Variants in ALKBH3 observed in about 807,000 individuals in gnomAD.
ALKBH3 encodes alpha-ketoglutarate-dependent dioxygenase alkB homolog 3.
ALKBH3 carries 51 observed loss-of-function variants against 43.9 expected under a neutral mutation model. The ratio of observed to expected loss-of-function variants is 1.16; its 90% CI spans 0.93 to 1.47. The LOEUF (loss-of-function observed/expected upper bound fraction) is 1.47. Ranked by LOEUF, ALKBH3 falls within the 40% of genes most tolerant of loss-of-function variation. ALKBH3 has a pLI of 0.00. For missense variants in ALKBH3, 361 were observed against 351.9 expected (o/e 1.03, Z -0.21); for synonymous variants, 102 against 115.2 (o/e 0.89, Z 0.73).
At chr11:43,917,662 G>A (rs1446572930) in intron 8 of ALKBH3, among the ~76,000 whole-genome samples, 1 of 151,904 alleles carries the variant, frequency 6.6e-6, no homozygotes, top group East Asian at 1.9e-4. Flanking sequence ...TTTTAAATCA[G>A]AGCAGCGTTT....
At chr11:43,890,727 G>A (rs1951778045) in intron 6 of ALKBH3, among the ~76,000 whole-genome samples, 1 of 152,102 alleles carries the variant, frequency 6.6e-6, no homozygotes, top group Non-Finnish European at 1.5e-5. Flanking sequence ...AGCCAGGCAT[G>A]GTGGTGCGCA....
In ALKBH3 at chr11:43,901,644, C is replaced by G. The variant is rs747645982; in HGVS notation, c.588C>G (p.Pro196=). ...DSVDWHSDDE[P]SLGRCPIIAS... ...TGGACTGGCACAGTGATGATGAACC[C>G]TCACTAGGGAGGTGCCCCATTATTG... is the stretch of plus-strand genomic sequence containing the variant. Residue 196 remains proline, a synonymous_variant, in exon 8 of 10, where the codon CCC becomes CCG. Transcript: ENST00000302708. 2 of 1,614,236 alleles carry G rather than the reference C, an allele frequency of 1.2e-6. No homozygotes were observed. Among genetic ancestry groups the G allele is most frequent in the South Asian group, 2.2e-5 (2 of 91,090 alleles).
intron 8 of ALKBH3, among the ~76,000 whole-genome samples, chr11:43,905,886 C>T (rs1396569553): frequency 6.6e-6 from 1 of 152,160 alleles, no homozygotes; most frequent in East Asian, 1.9e-4. Flanking sequence ...AAAGGAACTA[C>T]AAAAGCCATT....
chr11:43,895,222 G>C (rs1166880858), intron 7 of ALKBH3, among the ~76,000 whole-genome samples: 1 of 152,138 alleles, frequency 6.6e-6, no homozygotes, highest in Non-Finnish European at 1.5e-5. Context: ...GATATGGTTT[G>C]GCTGTGTCCC....
intron 8 of ALKBH3, among the ~76,000 whole-genome samples, chr11:43,912,900 G>A (rs796899849): frequency 6.6e-6 from 1 of 152,202 alleles, no homozygotes; most frequent in African/African-American, 2.4e-5. Context: ...GCCTCTCCCA[G>A]CTCTACACAA....
chr11:43,910,511 A>AC (rs1951930238), intron 8 of ALKBH3: 1 of 152,118 alleles, frequency 6.6e-6, no homozygotes, highest in African/African-American at 2.4e-5. Context: ...TGTGGCTTCC[A>AC]CCCTGTAATG....
chr11:43,910,221 A>G (rs904978273), intron 8 of ALKBH3: 5 of 152,190 alleles, frequency 3.3e-5, no homozygotes, highest in Admixed American at 3.3e-4. Context: ...ATTGTTCTCT[A>G]CATTATTTTT....
chr11:43,889,767 C>A lies in ALKBH3; in HGVS notation c.309C>A (p.Asp103Glu). Residue 103 changes from aspartate to glutamate, a missense_variant, in exon 6 of 10, where the codon GAC (aspartate) becomes GAA (glutamate). By Grantham distance (45) the Asp-to-Glu change is conservative. Transcript: ENST00000302708. ...YPGFVDVKEA[D>E]WILEQLCQDV... ...GCTTTGTTGACGTGAAAGAAGCTGA[C>A]TGGATATTGGAACAGCTTTGTCAAG... 6.2e-7 allele frequency: 1 copy of A among 1,614,082 alleles called. No homozygotes were observed.
chr11:43,910,373 T>C (rs1397863743), intron 8 of ALKBH3: 2 of 152,242 alleles, frequency 1.3e-5, no homozygotes, highest in Non-Finnish European at 1.5e-5. Flanking sequence ...TTAGTTCTTA[T>C]AGCTTTAACC....
rs765760670 is a variant in ALKBH3 at position 43,892,032 on chromosome 11, C to G, written c.371-9C>G. On this transcript the variant is annotated splice_polypyrimidine_tract_variant and intron_variant, in intron 6 of 9. Coordinates refer to ENST00000302708, the MANE Select transcript of ALKBH3 (RefSeq NM_139178.4). ...AAACCATTTCAAAGGCCTGTATTTT[C>G]TTTCTTAGATATAACTTATCAGCAA... 6.2e-7 allele frequency: 1 copy of G among 1,604,122 alleles called. No individual in the cohort carries two copies. The highest frequency in any genetic ancestry group is 8.5e-7 in the Non-Finnish European group (1 of 1,171,184).
chr11:43,898,471 C>T, intron 7 of ALKBH3: 2 of 930,762 alleles, frequency 2.1e-6, no homozygotes, highest in Non-Finnish European at 3.5e-6. Flanking sequence ...CAGGCTGGGG[C>T]AGATGGACAC....
At chr11:43,892,201 A>G (rs776340849) in intron 7 of ALKBH3, 72 bp downstream of exon 7, 4 of 1,304,808 alleles carry the variant, frequency 3.1e-6, no homozygotes, top group South Asian at 1.3e-5. Context: ...TAAAATAACA[A>G]CAAATTACCT....
At chr11:43,900,173 CAT>C (rs1420877023) in intron 7 of ALKBH3, among the ~76,000 whole-genome samples, 1 of 144,948 alleles carries the variant, frequency 6.9e-6, no homozygotes, top group Non-Finnish European at 1.5e-5. Context: ...TTGATGTTAA[CAT>C]GTAATGGATT....
intron 8 of ALKBH3, among the ~76,000 whole-genome samples, chr11:43,905,311 A>C (rs543918817): frequency 2.0e-5 from 3 of 152,284 alleles, no homozygotes; most frequent in African/African-American, 7.2e-5. Flanking sequence ...CTGTGCTGAG[A>C]CGGTAAGGAG....
chr11:43,892,242 A>G, intron 7 of ALKBH3, 113 bp downstream of exon 7: 3 of 884,606 alleles, frequency 3.4e-6, no homozygotes, highest in Non-Finnish European at 5.2e-6. Context: ...CCTAGTTCAA[A>G]AAACCTCTCT....
chr11:43,896,268 T>TACACAC (rs71035662), intron 7 of ALKBH3, among the ~76,000 whole-genome samples: 2,753 of 147,348 alleles, frequency 0.019, 41 homozygotes, highest in African/African-American at 0.04. Context: ...ATAGGATAGA[T>TACACAC]ACACACACAC....
intron 8 of ALKBH3, among the ~76,000 whole-genome samples, chr11:43,913,174 C>T (rs1024587292): frequency 2.0e-5 from 3 of 149,254 alleles, no homozygotes; most frequent in South Asian, 2.1e-4. Flanking sequence ...TTCATGTGTA[C>T]AGACAGCTTC....
At chr11:43,897,217 TAAG>T in intron 7 of ALKBH3, 2 of 531,316 alleles carry the variant, frequency 3.8e-6, no homozygotes, top group Non-Finnish European at 7.4e-6. Flanking sequence ...AACTAACCTT[TAAG>T]AAGTCAGCAC....
intron 7 of ALKBH3, among the ~76,000 whole-genome samples, chr11:43,896,177 AAGTT>A (rs1951817040): frequency 2.0e-5 from 3 of 152,066 alleles, no homozygotes; most frequent in Admixed American, 6.5e-5. Context: ...CTAATGATAA[AAGTT>A]AGGTTTTCAA....
Sources: gnomAD v4.1 joint callset for allele counts (sites outside exome capture counted in the v4.1 genomes callset) on GRCh38, gnomAD v4.1.1 for gene constraint, MANE v1.5 for transcripts, NCBI Gene and HGNC (gene_info 2026-07-23, HGNC 2026-07-21) for gene names.